The following ARHGAP17 variants were observed in gnomAD, a reference collection of about 807,000 sequenced individuals.
ARHGAP17 encodes the protein rho GTPase-activating protein 17.
In ARHGAP17, 57 loss-of-function variants were observed where a neutral mutation model predicts 99.5. The ratio of observed to expected loss-of-function variants is 0.57; its 90% confidence interval spans 0.46 to 0.71. The LOEUF (loss-of-function observed/expected upper bound fraction) is 0.71, where lower values mean the gene tolerates loss of function less well. Among genes scored for constraint, ARHGAP17 ranks in the 30% least tolerant of loss-of-function variants. The pLI, the probability that ARHGAP17 is intolerant of heterozygous loss-of-function variation, is 0.00. For synonymous variants in ARHGAP17, 417 were observed against 429.6 expected (o/e 0.97, Z 0.36); for missense variants, 1,000 against 1,122.4 (o/e 0.89, Z 1.56).
intron 19 of ARHGAP17, among the ~76,000 whole-genome samples, chr16:24,930,463 A>C (rs939181121): frequency 1.3e-5 from 2 of 152,256 alleles, no homozygotes; most frequent in Non-Finnish European, 2.9e-5. Context: ...TAAACACACA[A>C]GCAACTATAA....
chr16:25,009,026 C>T (rs912415972), intron 1 of ARHGAP17, among the ~76,000 whole-genome samples: 3 of 152,210 alleles, frequency 2.0e-5, no homozygotes, highest in African/African-American at 7.2e-5. Flanking sequence ...AAGCAAAGCA[C>T]ACATTACCTA....
chr16:24,982,183 C>G (rs138336706), intron 1 of ARHGAP17, among the ~76,000 whole-genome samples: 1,977 of 151,834 alleles, frequency 0.013, 44 homozygotes, highest in African/African-American at 0.044. Flanking sequence ...GTGGGTGGAT[C>G]ACTTGAGGTC....
At chr16:24,953,178 G>T in intron 10 of ARHGAP17, 136 bp from the exon 11 acceptor site, 1 of 738,074 alleles carries the variant, frequency 1.4e-6, no homozygotes, top group Non-Finnish European at 2.3e-6. Context: ...CTGCCCTGCA[G>T]GGCTGTCAGG....
At chr16:24,934,218 T>C (rs2051073202) in intron 18 of ARHGAP17, among the ~76,000 whole-genome samples, 1 of 152,194 alleles carries the variant, frequency 6.6e-6, no homozygotes, top group Non-Finnish European at 1.5e-5. Context: ...TGGGGTGCAG[T>C]GGCACAATCT....
rs183201893 is a variant in ARHGAP17 at position 25,001,548 on chromosome 16, G to C, written c.53+13661C>G. Among the ~76,000 whole-genome samples, 10 of 152,244 alleles carry C rather than the reference G, an allele frequency of 6.6e-5. No homozygotes were observed. In the East Asian group the frequency reaches 1.9e-3, roughly 29 times the overall value. On this transcript the variant is annotated intron_variant, in intron 1 of 19. Coordinates refer to ENST00000289968, the MANE Select transcript of ARHGAP17 (RefSeq NM_001006634.3). ...CTCGCCTTTATACAAAAGTAAGAGA[G>C]ATACTGAAAAAAGAATATTTATTAT...
chr16:24,964,388 G>A, intron 6 of ARHGAP17, 80 bp from the exon 7 acceptor site: 1 of 940,366 alleles, frequency 1.1e-6, no homozygotes. Context: ...GGTGGAGATA[G>A]ATCCTTCCCC....
At chr16:24,953,128 A>T in intron 10 of ARHGAP17, 86 bp from the exon 11 acceptor site, 1 of 1,186,046 alleles carries the variant, frequency 8.4e-7, no homozygotes, top group Non-Finnish European at 1.2e-6. Flanking sequence ...GTATTTCCTG[A>T]CTTCCGCTCA....
At chr16:24,986,824 T>G (rs2052885128) in intron 1 of ARHGAP17, among the ~76,000 whole-genome samples, 1 of 152,244 alleles carries the variant, frequency 6.6e-6, no homozygotes, top group East Asian at 1.9e-4. Flanking sequence ...TTTCTCTTCC[T>G]CGACATTCTG....
chr16:24,981,379 T>C (rs1003130228), intron 1 of ARHGAP17, among the ~76,000 whole-genome samples: 6 of 152,042 alleles, frequency 3.9e-5, no homozygotes, highest in East Asian at 1.9e-4. Context: ...CTGCAAATAA[T>C]TGATTGGACA....
At chr16:25,002,065 A>G (rs966891523) in intron 1 of ARHGAP17, among the ~76,000 whole-genome samples, 4 of 151,902 alleles carry the variant, frequency 2.6e-5, no homozygotes, top group Non-Finnish European at 5.9e-5. Flanking sequence ...TGGGTGACAG[A>G]GCGAGACTCC....
At chr16:24,927,089 G>A (rs532537496) in intron 19 of ARHGAP17, among the ~76,000 whole-genome samples, 40 of 152,222 alleles carry the variant, frequency 2.6e-4, no homozygotes, top group Middle Eastern at 3.4e-3. Flanking sequence ...TGGCCAACAT[G>A]GTGAAGCCCC....
chr16:24,998,932 G>C (rs533798632), intron 1 of ARHGAP17, among the ~76,000 whole-genome samples: 1 of 152,284 alleles, frequency 6.6e-6, no homozygotes, highest in East Asian at 1.9e-4. Flanking sequence ...AAGGAGGAGA[G>C]ACCGCGGGCA....
At chr16:25,009,364 C>CA (rs113928999) in intron 1 of ARHGAP17, among the ~76,000 whole-genome samples, 104 of 117,846 alleles carry the variant, frequency 8.8e-4, no homozygotes, top group Admixed American at 2.5e-3. Flanking sequence ...GAGACTCCGT[C>CA]AAAAAAAAAA....
intron 12 of ARHGAP17, among the ~76,000 whole-genome samples, chr16:24,951,414 A>G (rs1318377942): frequency 3.3e-5 from 5 of 152,248 alleles, no homozygotes; most frequent in African/African-American, 1.2e-4. Context: ...ACTTAGCACA[A>G]GAAAATGCTC....
intron 1 of ARHGAP17, among the ~76,000 whole-genome samples, chr16:24,980,266 C>T (rs1219624732): frequency 6.6e-6 from 1 of 152,216 alleles, no homozygotes; most frequent in Non-Finnish European, 1.5e-5. Flanking sequence ...CTCCAGTCTA[C>T]ACTTAAGGCA....
intron 19 of ARHGAP17, among the ~76,000 whole-genome samples, chr16:24,928,318 G>C (rs2152442999): frequency 6.6e-6 from 1 of 152,322 alleles, no homozygotes; most frequent in African/African-American, 2.4e-5. Context: ...AATTTCTTGA[G>C]TTAGGAGAAT....
At position 24,943,820 on chromosome 16, in the gene ARHGAP17, A is replaced by G. The variant is rs1402941781; in HGVS notation, c.1284T>C (p.Val428=). Residue 428 remains valine (V), a synonymous_variant, in exon 15 of 20, where the codon GTT becomes GTC. Coordinates refer to ENST00000289968, the MANE Select transcript of ARHGAP17 (RefSeq NM_001006634.3). ...EMAAATSVHV[V]AVIEPIIQHA... is the part of the protein sequence containing the mutation. ...GCTGAATGATGGGTTCAATCACTGC[A>G]ACCACATGGACGGATGTGGCTGCTG... 6 of 1,614,224 alleles carry G rather than the reference A, an allele frequency of 3.7e-6. No homozygotes were observed. The highest frequency in any genetic ancestry group is 5.1e-6 in the Non-Finnish European group (6 of 1,180,032).
At chr16:24,959,630 G>C (rs1485843752) in intron 9 of ARHGAP17, 41 bp downstream of exon 9, 4 of 1,594,476 alleles carry the variant, frequency 2.5e-6, no homozygotes, top group Non-Finnish European at 3.4e-6. Flanking sequence ...AGAGGTGGCA[G>C]AGGCAAGAAG....
chr16:24,993,896 A>G (rs770308927), intron 1 of ARHGAP17, among the ~76,000 whole-genome samples: 36 of 152,338 alleles, frequency 2.4e-4, no homozygotes, highest in Non-Finnish European at 4.6e-4. Flanking sequence ...GACTTTTAAG[A>G]GACTAGAACA....
Sources: gnomAD v4.1 joint callset for allele counts (sites outside exome capture counted in the v4.1 genomes callset) on GRCh38, gnomAD v4.1.1 for gene constraint, MANE v1.5 for transcripts, NCBI Gene and HGNC (gene_info 2026-07-23, HGNC 2026-07-21) for gene names.